The following TCF7 variants were observed in gnomAD, a reference collection of about 807,000 sequenced individuals.
The protein encoded by TCF7 is T-cell-factor-7.
A neutral mutation model predicts 46.8 loss-of-function variants in TCF7; 19 were observed. The observed-to-expected ratio is 0.41, with a 90% confidence interval of 0.28 to 0.60. TCF7 has a LOEUF of 0.60. Ranked by LOEUF, TCF7 falls within the 20% of genes least tolerant of loss-of-function variation. TCF7 has a pLI of 0.35. For missense variants in TCF7, 547 were observed against 504.6 expected, an observed-to-expected ratio of 1.08 and a Z score of -0.81; for synonymous variants, 245 against 213.4, an observed-to-expected ratio of 1.15 and a Z score of -1.29.
chr5:134,112,700 AAAGG>A (rs1353984458), upstream of TCF7, among the ~76,000 whole-genome samples: 3 of 152,244 alleles, frequency 2.0e-5, no homozygotes, highest in African/African-American at 7.2e-5. Flanking sequence ...TTTAGTAAAG[AAAGG>A]ATGTTTTCAC....
intron 3 of TCF7, among the ~76,000 whole-genome samples, chr5:134,129,485 G>T (rs900437545): frequency 2.0e-5 from 3 of 152,202 alleles, no homozygotes; most frequent in Admixed American, 1.3e-4. Context: ...TGGGCTGGGG[G>T]TTGCCCAGTC....
intron 3 of TCF7, among the ~76,000 whole-genome samples, chr5:134,136,702 C>CA (rs1758914285): frequency 6.6e-6 from 1 of 152,152 alleles, no homozygotes; most frequent in Non-Finnish European, 1.5e-5. Flanking sequence ...CACCCTTCTC[C>CA]AGGCCTGGTA....
intron 3 of TCF7, among the ~76,000 whole-genome samples, chr5:134,135,562 C>T (rs1758747559): frequency 6.6e-6 from 1 of 152,178 alleles, no homozygotes; most frequent in African/African-American, 2.4e-5. Context: ...TCAAGGATGA[C>T]TCCAAGATCT....
chr5:134,114,889 C>T lies in TCF7; in HGVS notation c.-18C>T. 1 of 992,250 alleles carries T rather than the reference C, an allele frequency of 1.0e-6. No homozygotes were observed. The highest frequency in any genetic ancestry group is 1.8e-5 in the African/African-American group (1 of 56,940). The allele number at this position is 992,250 out of a possible 1,614,324, so 61.5% of individuals were successfully genotyped here. On this transcript the variant is annotated 5_prime_UTR_variant, in exon 1 of 10. Coordinates refer to ENST00000342854, the MANE Select transcript of TCF7 (RefSeq NM_003202.5). ...TCCCGGCGCCCAGCGCCCCGCGCCCCGGCGGGCGGAGCGCACCATGCCGCA... is the reference window on the plus strand; with the variant it reads ...TCCCGGCGCCCAGCGCCCCGCGCCCTGGCGGGCGGAGCGCACCATGCCGCA...
rs1413656407 is a variant in TCF7 at position 134,143,097 on chromosome 5, C to T, written c.1023C>T (p.Asn341=). Residue 341 remains asparagine, a synonymous_variant, in exon 8 of 10, where the codon AAC becomes AAT. Transcript: ENST00000342854. The part of the protein sequence containing the change: ...QLYPGWSARD[N]YGKKKRRSRE... ...ACCCAGGCTGGTCAGCGCGGGACAA[C>T]TACGTGAGTGCCTAGTGACACACAG... is the stretch of plus-strand genomic sequence containing the variant. 3.1e-6 allele frequency: 5 copies of T among 1,601,850 alleles called. No homozygotes were observed. The highest frequency in any genetic ancestry group is 1.1e-5 in the South Asian group (1 of 89,320).
intron 3 of TCF7, among the ~76,000 whole-genome samples, chr5:134,117,198 G>T (rs939061486): frequency 3.9e-5 from 6 of 152,226 alleles, no homozygotes; most frequent in African/African-American, 1.4e-4. Flanking sequence ...AGTAGTCTCT[G>T]TATCCGACTT....
At chr5:134,126,259 A>G (rs1757331137) in intron 3 of TCF7, among the ~76,000 whole-genome samples, 1 of 152,174 alleles carries the variant, frequency 6.6e-6, no homozygotes, top group African/African-American at 2.4e-5. Flanking sequence ...TGGCTGCAGC[A>G]GCCACCCCAG....
chr5:134,134,864 G>A (rs1279709742), intron 3 of TCF7, among the ~76,000 whole-genome samples: 10 of 152,196 alleles, frequency 6.6e-5, no homozygotes, highest in Admixed American at 5.9e-4. Flanking sequence ...GATGCTGGAG[G>A]CTAAAGCACC....
chr5:134,128,496 G>A (rs1000100201), intron 3 of TCF7, among the ~76,000 whole-genome samples: 8 of 151,968 alleles, frequency 5.3e-5, no homozygotes, highest in Admixed American at 5.2e-4. Context: ...GGCTATAGCT[G>A]GGGGAGTGAG....
rs371372116 is a variant in TCF7, at chr5:134,143,680, T to C, written c.1075+40T>C. 8.7e-6 allele frequency: 14 copies of C among 1,611,362 alleles called. No homozygotes were observed. The East Asian group carries it at 2.5e-4, about 28-fold the overall frequency. On this transcript the variant is annotated intron_variant, in intron 9 of 9. Transcript: ENST00000342854. ...CAGCAGCAGTGGAGGCTCCTCTCCA[T>C]GTCCCCATTTCAAGAGCAGCCCTCC...
chr5:134,115,766 T>A, intron 2 of TCF7, 143 bp from the exon 3 acceptor site: 3 of 1,477,192 alleles, frequency 2.0e-6, no homozygotes, highest in South Asian at 2.8e-5. Context: ...AACTTGGCAC[T>A]GCCGATACTC....
intron 5 of TCF7, 66 bp from the exon 6 acceptor site, chr5:134,142,117 CCT>C (rs751844187): frequency 2.1e-5 from 33 of 1,604,790 alleles, no homozygotes; most frequent in Non-Finnish European, 2.8e-5. Flanking sequence ...TATGCAGGGG[CCT>C]CTGTGTGTGT....
intron 9 of TCF7, chr5:134,145,864 C>T: frequency 1.2e-6 from 2 of 1,600,650 alleles, no homozygotes; most frequent in South Asian, 1.1e-5. Flanking sequence ...ATTGCGGCCC[C>T]TTGCCTTGGT....
At chr5:134,112,861 TC>T (rs1393601247), upstream of TCF7, among the ~76,000 whole-genome samples, 2 of 152,146 alleles carry the variant, frequency 1.3e-5, no homozygotes, top group African/African-American at 4.8e-5. Context: ...GGAGAACACT[TC>T]AGCCTCCACT....
chr5:134,112,759 C>T (rs879736199), upstream of TCF7, among the ~76,000 whole-genome samples: 1 of 152,158 alleles, frequency 6.6e-6, no homozygotes, highest in Non-Finnish European at 1.5e-5. Context: ...AAGGCTAATA[C>T]GAAGCTGGAA....
intron 3 of TCF7, among the ~76,000 whole-genome samples, chr5:134,124,590 G>A (rs1028579994): frequency 6.6e-6 from 1 of 152,132 alleles, no homozygotes; most frequent in South Asian, 2.1e-4. Context: ...CCCTCACCCC[G>A]CAGCCCCAAC....
At chr5:134,119,182 G>A (rs1394857967) in intron 3 of TCF7, among the ~76,000 whole-genome samples, 6 of 152,166 alleles carry the variant, frequency 3.9e-5, no homozygotes, top group Admixed American at 6.5e-5. Context: ...ATTGATATGA[G>A]GCTGCATTGA....
intron 3 of TCF7, among the ~76,000 whole-genome samples, chr5:134,132,520 G>C (rs1758274600): frequency 6.6e-6 from 1 of 152,220 alleles, no homozygotes; most frequent in Non-Finnish European, 1.5e-5. Context: ...CCCCCCACAG[G>C]CTTGAGGCCA....
intron 3 of TCF7, among the ~76,000 whole-genome samples, chr5:134,125,377 C>G (rs1168083609): frequency 6.6e-6 from 1 of 152,252 alleles, no homozygotes; most frequent in African/African-American, 2.4e-5. Flanking sequence ...GACCTCTGCA[C>G]GCACACCCAC....
Sources: allele counts gnomAD v4.1 joint callset (sites outside exome capture counted in the v4.1 genomes callset), GRCh38; gene constraint gnomAD v4.1.1; transcripts MANE v1.5; gene names NCBI Gene and HGNC (gene_info 2026-07-23, HGNC 2026-07-21).